CDH7: variants seen among roughly 807,000 people sequenced by gnomAD.
CDH7 encodes the protein cadherin-7.
Under a neutral mutation model 71.8 loss-of-function variants are expected in CDH7, and 25 were observed. That is an observed-to-expected ratio of 0.35 (90% CI 0.25 to 0.49). CDH7 has a LOEUF of 0.49. Among genes scored for constraint, CDH7 ranks in the 20% least tolerant of loss-of-function variants. The pLI is 0.99. For missense variants in CDH7, 862 were observed against 974.6 expected, an observed-to-expected ratio of 0.88 and a Z score of 1.54; for synonymous variants, 381 against 363.8, an observed-to-expected ratio of 1.05 and a Z score of -0.54.
intron 6 of CDH7, among the ~76,000 whole-genome samples, chr18:65,830,765 T>A (rs1301378922): frequency 7.3e-6 from 1 of 136,774 alleles, no homozygotes; most frequent in Non-Finnish European, 1.6e-5. Flanking sequence ...TTTCTCTCTC[T>A]CTTTTCTTAT....
intron 11 of CDH7, chr18:65,865,143 A>T (rs1337380838): frequency 6.6e-6 from 1 of 152,170 alleles, no homozygotes; most frequent in Admixed American, 6.5e-5. Flanking sequence ...GCTTCACTTT[A>T]GTAAACACTT....
intron 2 of CDH7, among the ~76,000 whole-genome samples, chr18:65,764,498 C>T (rs1482973392): frequency 6.6e-6 from 1 of 151,988 alleles, no homozygotes; most frequent in Admixed American, 6.6e-5. Context: ...ATATCTGTCT[C>T]ACTCTCTTTT....
At position 65,857,914 on chromosome 18, in the gene CDH7, A is replaced by C; in HGVS notation, c.1334A>C (p.Asn445Thr). The change falls in exon 8 of 12, where the codon AAT becomes ACT. Residue 445 changes from asparagine (N) to threonine (T), a missense_variant. Physicochemically the swap from Asn to Thr is moderately conservative, Grantham distance 65 (BLOSUM62 0). Transcript: ENST00000397968. ...GCCAAGTCTTTGGATCGAGAGACAA[A>C]TGCTATTCACAATATCACAGTCCTT... The part of the protein sequence containing the change: ...TTAKSLDRET[N>T]AIHNITVLAM... 6.2e-7 allele frequency: 1 copy of C among 1,613,764 alleles called. No homozygotes were observed. Among genetic ancestry groups the C allele is most frequent in the African/African-American group, 1.3e-5 (1 of 75,042 alleles).
intron 7 of CDH7, among the ~76,000 whole-genome samples, chr18:65,851,883 A>G (rs1191795945): frequency 6.6e-6 from 1 of 152,200 alleles, no homozygotes; most frequent in Non-Finnish European, 1.5e-5. Context: ...GTGTAGCACA[A>G]GGAGCATTTG....
Position 65,829,686 on chromosome 18 carries a change from T to TA in CDH7, c.981+4861dup, listed in dbSNP as rs1411316736. Among the ~76,000 whole-genome samples the TA allele has an allele frequency of 4.6e-5, 7 of 151,904 alleles. No individual in the cohort carries two copies. The South Asian group carries it at 8.3e-4, about 18-fold the overall frequency. ...CCTTACCATACTCATCTTTTGAGTC[T>TA]AAAAAATCCCTCCTATTTTTCCTTT... On this transcript the variant is annotated intron_variant, in intron 6 of 11. Transcript: ENST00000397968.
intron 7 of CDH7, among the ~76,000 whole-genome samples, chr18:65,854,556 A>G (rs951595253): frequency 7.2e-5 from 11 of 152,164 alleles, no homozygotes; most frequent in Admixed American, 2.0e-4. Context: ...ACTATTGATA[A>G]TAGAAGCAAG....
At chr18:65,774,555 G>A (rs1163764584) in intron 2 of CDH7, among the ~76,000 whole-genome samples, 1 of 152,050 alleles carries the variant, frequency 6.6e-6, no homozygotes, top group Non-Finnish European at 1.5e-5. Context: ...TTGCACAGCT[G>A]TGGGGGCCTG....
intron 7 of CDH7, among the ~76,000 whole-genome samples, chr18:65,856,732 TTTAA>T (rs80250400): frequency 2.7e-5 from 4 of 150,346 alleles, no homozygotes; most frequent in South Asian, 4.3e-4. Context: ...CATTTGTTCG[TTTAA>T]TTGTTTGTTT....
intron 11 of CDH7, among the ~76,000 whole-genome samples, chr18:65,864,501 A>T (rs1323902173): frequency 6.6e-6 from 1 of 151,734 alleles, no homozygotes; most frequent in African/African-American, 2.4e-5. Flanking sequence ...GAGGCCAAAA[A>T]ATTTAGATTT....
At chr18:65,851,332 A>T (rs1913143499) in intron 7 of CDH7, among the ~76,000 whole-genome samples, 1 of 152,174 alleles carries the variant, frequency 6.6e-6, no homozygotes, top group Non-Finnish European at 1.5e-5. Flanking sequence ...TATTCAAATT[A>T]TTCATCTATT....
At chr18:65,761,544 A>AG (rs1916192778) in intron 1 of CDH7, among the ~76,000 whole-genome samples, 1 of 151,924 alleles carries the variant, frequency 6.6e-6, no homozygotes, top group Middle Eastern at 3.4e-3. Flanking sequence ...TCAAAAAAAA[A>AG]AAAAAAACAG....
chr18:65,854,932 T>TATATAC (rs67623413), intron 7 of CDH7, among the ~76,000 whole-genome samples: 35 of 148,820 alleles, frequency 2.4e-4, no homozygotes, highest in South Asian at 4.2e-4. Flanking sequence ...TATATATATA[T>TATATAC]ACACACACAT....
chr18:65,882,447 T>C lies in CDH7; in HGVS notation c.*1553T>C, dbSNP rs143013223. 7.2e-5 allele frequency: 11 copies of C among 152,240 alleles called. No individual in the cohort carries two copies. In the East Asian group the frequency reaches 2.1e-3, roughly 29 times the overall value. The allele number at this position is 152,240 out of a possible 1,614,324, so 9.4% of individuals were successfully genotyped here. A position where few individuals can be genotyped will look rare whatever the true frequency, so the allele number is the denominator to read the frequency against. On this transcript the variant is annotated 3_prime_UTR_variant, in exon 12 of 12. Coordinates refer to ENST00000397968, the MANE Select transcript of CDH7 (RefSeq NM_004361.5). ...ACATTTACAGATAGTAAACACTGTG[T>C]AGAGAATCATGTTCTAAAAGTGCTT... is the stretch of plus-strand genomic sequence containing the variant.
chr18:65,853,435 C>T (rs1295690689), intron 7 of CDH7, among the ~76,000 whole-genome samples: 2 of 152,124 alleles, frequency 1.3e-5, no homozygotes, highest in Non-Finnish European at 1.5e-5. Flanking sequence ...CATTACACTT[C>T]TCATTCTAAA....
intron 7 of CDH7, among the ~76,000 whole-genome samples, chr18:65,847,733 TA>T (rs538829732): frequency 1.6e-3 from 245 of 152,180 alleles, no homozygotes; most frequent in African/African-American, 5.5e-3. Context: ...ATGGAAAGAT[TA>T]AAAAAACCCA....
chr18:65,765,639 C>T (rs1184666526), intron 2 of CDH7, among the ~76,000 whole-genome samples: 1 of 152,014 alleles, frequency 6.6e-6, no homozygotes, highest in Non-Finnish European at 1.5e-5. Flanking sequence ...ACCTAGGCCA[C>T]TTAGATGGTC....
chr18:65,772,547 C>T (rs1916577293), intron 2 of CDH7, among the ~76,000 whole-genome samples: 1 of 152,004 alleles, frequency 6.6e-6, no homozygotes, highest in Non-Finnish European at 1.5e-5. Context: ...AACATGTAGC[C>T]ATCAACAGTT....
chr18:65,851,362 C>T lies in CDH7; in HGVS notation c.1236-6454C>T, dbSNP rs143815606. ...TCTATTTCAATTGATGAAATTTTCC[C>T]ATGTTTTTGTATTACATTATCTTTT... On this transcript the variant is annotated intron_variant, in intron 7 of 11. Transcript: ENST00000397968. 3.1e-3 allele frequency among the ~76,000 whole-genome samples: 471 copies of T among 152,092 alleles called. 2 individuals carry two copies. Among genetic ancestry groups the T allele is most frequent in the African/African-American group, 0.011 (450 of 41,488 alleles).
At chr18:65,829,099 A>C (rs1912236777) in intron 6 of CDH7, among the ~76,000 whole-genome samples, 1 of 92,062 alleles carries the variant, frequency 1.1e-5, no homozygotes, top group African/African-American at 3.7e-5. Flanking sequence ...AAACCTAAGC[A>C]GTATGGTCTG....
Sources: allele counts gnomAD v4.1 joint callset (sites outside exome capture counted in the v4.1 genomes callset), GRCh38; gene constraint gnomAD v4.1.1; transcripts MANE v1.5; gene names NCBI Gene and HGNC (gene_info 2026-07-23, HGNC 2026-07-21).